FANCD2: variants seen among roughly 807,000 people sequenced by gnomAD.
FANCD2 encodes the protein Fanconi anemia group D2 protein.
Under a neutral mutation model 192.3 loss-of-function variants are expected in FANCD2, and 131 were observed. That is an observed-to-expected ratio of 0.68 (90% CI 0.59 to 0.79). FANCD2 has a LOEUF of 0.79. Ranked by LOEUF, FANCD2 falls within the 30% of genes least tolerant of loss-of-function variation. The pLI is 0.00. For synonymous variants in FANCD2, 524 were observed against 612.5 expected (o/e 0.86, Z 2.13); for missense variants, 1,508 against 1,701.6 (o/e 0.89, Z 2.00).
rs767860064 is a variant in FANCD2, at chr3:10,081,170, T to A, written c.3047T>A (p.Val1016Asp). ...TCTGCCCAAGAAATTGTTCATTGTG[T>A]TTTTCAACTGCTGACCCCAATGTGT... is the stretch of plus-strand genomic sequence containing the variant. ...QRSAQEIVHC[V>D]FQLLTPMCNH... The change falls in exon 31 of 44, where the codon GTT (valine) becomes GAT (aspartate). Residue 1016 changes from valine (V) to aspartate (D), a missense_variant. This residue lies in a region of FANCD2 where 796 missense variants were observed against 879.4 expected (regional missense o/e 0.91). Coordinates refer to ENST00000675286, the MANE Select transcript of FANCD2 (RefSeq NM_001018115.3). 8.1e-6 allele frequency: 13 copies of A among 1,614,052 alleles called. No homozygotes were observed. In the East Asian group the frequency reaches 2.4e-4, roughly 30 times the overall value.
At chr3:10,071,873 C>T (rs1693269782) in intron 26 of FANCD2, among the ~76,000 whole-genome samples, 1 of 152,244 alleles carries the variant, frequency 6.6e-6, no homozygotes, top group East Asian at 1.9e-4. Context: ...AATTCTCCTG[C>T]CTCAGCCTCC....
chr3:10,046,200 C>T (rs1414403591), intron 14 of FANCD2, among the ~76,000 whole-genome samples: 1 of 152,004 alleles, frequency 6.6e-6, no homozygotes, highest in Non-Finnish European at 1.5e-5. Context: ...ACTATAGGTG[C>T]ATGCTGCCAC....
In FANCD2 at chr3:10,078,206, A is replaced by G. The variant is rs1203023477; in HGVS notation, c.2976+9A>G. The G allele has an allele frequency of 6.5e-7, 1 of 1,537,838 alleles. No homozygotes were observed. Among genetic ancestry groups the G allele is most frequent in the South Asian group, 1.1e-5 (1 of 89,576 alleles). On this transcript the variant is annotated intron_variant, in intron 30 of 43. Transcript: ENST00000675286. ...GAGTCCCCTTTCTCAAGGTTAGTGT[A>G]GGCAGAAGCATAGGACTTGGGCATA...
In FANCD2 at chr3:10,065,247, C is replaced by T. The variant is rs1263266892; in HGVS notation, c.2169-147C>T. On this transcript the variant is annotated intron_variant, in intron 23 of 43. Transcript: ENST00000675286. Reference sequence around the variant, plus strand: ...GAGGTTGCAGTGAGCTGAGATCGTGCCACTGCACTCCAGACTGGGCGACAG... The same window carrying T: ...GAGGTTGCAGTGAGCTGAGATCGTGTCACTGCACTCCAGACTGGGCGACAG... The T allele has an allele frequency of 2.5e-5, 17 of 683,856 alleles. 1 individual carries two copies. The highest frequency in any genetic ancestry group is 4.0e-5 in the Non-Finnish European group (15 of 376,052). 42.4% of individuals were successfully genotyped at this position (683,856 alleles called of 1,614,324 possible). A position where few individuals can be genotyped will look rare whatever the true frequency, so the allele number is the denominator to read the frequency against.
At chr3:10,041,208 A>G (rs2086855528) in intron 9 of FANCD2, 1 of 230,748 alleles carries the variant, frequency 4.3e-6, no homozygotes, top group Non-Finnish European at 8.5e-6. Flanking sequence ...TCAAAAAACA[A>G]ACAAACAAAA....
intron 17 of FANCD2, 93 bp from the exon 18 acceptor site, chr3:10,052,292 CTA>C: frequency 2.5e-6 from 2 of 810,378 alleles, no homozygotes; most frequent in African/African-American, 3.4e-5. Context: ...ACCTGGCTAT[CTA>C]TGTGTGTCTC....
At chr3:10,087,621 A>T (rs1575842075) in intron 34 of FANCD2, among the ~76,000 whole-genome samples, 1 of 152,126 alleles carries the variant, frequency 6.6e-6, no homozygotes, top group Non-Finnish European at 1.5e-5. Context: ...AGGGTCAAGT[A>T]TAAAAGAAAT....
chr3:10,099,066 T>G, intron 43 of FANCD2: 1 of 1,567,156 alleles, frequency 6.4e-7, no homozygotes, highest in South Asian at 1.2e-5. Flanking sequence ...ATTTTCTGCA[T>G]TATAGCCTCT....
At chr3:10,085,397 T>TC (rs1224252527) in intron 32 of FANCD2, among the ~76,000 whole-genome samples, 11 of 148,706 alleles carry the variant, frequency 7.4e-5, no homozygotes, top group African/African-American at 2.5e-4. Context: ...TTTCTTTCTT[T>TC]TTTTTTTTTT....
chr3:10,049,589 G>A (rs2087137250), intron 17 of FANCD2, 84 bp downstream of exon 17: 2 of 1,294,328 alleles, frequency 1.5e-6, no homozygotes, highest in Non-Finnish European at 2.2e-6. Flanking sequence ...TGATGGGCAA[G>A]TAATATAAAT....
At chr3:10,055,855 A>G (rs542484766) in intron 18 of FANCD2, among the ~76,000 whole-genome samples, 1 of 151,936 alleles carries the variant, frequency 6.6e-6, no homozygotes, top group Non-Finnish European at 1.5e-5. Context: ...AAATAATTCC[A>G]TTCTTTGTTT....
chr3:10,092,621 C>T lies in FANCD2; in HGVS notation c.3849+369C>T, dbSNP rs556247589. ...CACACTGTGCTCTCACCCACTCCAT[C>T]GTGGTTTTGCTCAGCTTGTTCCCCC... On this transcript the variant is annotated intron_variant, in intron 38 of 43. Coordinates refer to ENST00000675286, the MANE Select transcript of FANCD2 (RefSeq NM_001018115.3). 7.4e-4 allele frequency among the ~76,000 whole-genome samples: 112 copies of T among 150,916 alleles called. 1 individual carries two copies. The South Asian group carries it at 0.018, about 25-fold the overall frequency.
intron 26 of FANCD2, among the ~76,000 whole-genome samples, chr3:10,068,936 C>T (rs2087793744): frequency 6.6e-6 from 1 of 152,108 alleles, no homozygotes; most frequent in Admixed American, 6.5e-5. Flanking sequence ...AACTGGATAT[C>T]CATATGCAGA....
chr3:10,070,216 C>T lies in FANCD2; in HGVS notation c.2495-2655C>T, dbSNP rs1265392353. Among the ~76,000 whole-genome samples, 8 of 150,984 alleles carry T rather than the reference C, an allele frequency of 5.3e-5. No homozygotes were observed. The East Asian group carries it at 8.1e-4, about 15-fold the overall frequency. ...GCCCCGTCTGAGAAGTGAGGAGCCC[C>T]TCTGCCCGGCAGCCGCCCCATCTGA... On this transcript the variant is annotated intron_variant, in intron 26 of 43. Coordinates refer to ENST00000675286, the MANE Select transcript of FANCD2 (RefSeq NM_001018115.3).
At position 10,101,776 on chromosome 3, in the gene FANCD2, C is replaced by T. The variant is rs565491333; in HGVS notation, c.*514C>T. 1.4e-5 allele frequency: 3 copies of T among 207,054 alleles called. No individual in the cohort carries two copies. The highest frequency in any genetic ancestry group is 3.0e-5 in the Non-Finnish European group (3 of 100,478). The allele number at this position is 207,054 out of a possible 1,614,324, so 12.8% of individuals were successfully genotyped here. A position where few individuals can be genotyped will look rare whatever the true frequency, so the allele number is the denominator to read the frequency against. ...TCCCTGGCTCAGGATTCTAATGTAG[C>T]ATTATTTATTGGTTTGGATAAACCC... On this transcript the variant is annotated 3_prime_UTR_variant, in exon 44 of 44. Transcript: ENST00000675286.
chr3:10,049,345 C>G (rs2087126563), intron 16 of FANCD2, 29 bp from the exon 17 acceptor site: 1 of 1,571,588 alleles, frequency 6.4e-7, no homozygotes, highest in Admixed American at 1.7e-5. Context: ...TTTTGTTTTA[C>G]ACTGTTCTGT....
intron 32 of FANCD2, among the ~76,000 whole-genome samples, chr3:10,085,205 A>G (rs1247772024): frequency 2.6e-5 from 4 of 152,162 alleles, no homozygotes; most frequent in Admixed American, 1.3e-4. Context: ...TTGCCCTTCA[A>G]AGTAAACCTA....
At chr3:10,094,803 T>A (rs575080915) in intron 40 of FANCD2, 10 of 329,030 alleles carry the variant, frequency 3.0e-5, no homozygotes, top group South Asian at 2.4e-4. Context: ...GCTAGAGTGA[T>A]GAATTAAGGA....
chr3:10,094,731 C>T (rs1335601863), intron 40 of FANCD2: 2 of 322,768 alleles, frequency 6.2e-6, no homozygotes, highest in Non-Finnish European at 5.9e-6. Context: ...TCATTTGTGT[C>T]ATAAAACCCT....
Sources: gnomAD v4.1 joint callset for allele counts (sites outside exome capture counted in the v4.1 genomes callset) on GRCh38, gnomAD v4.1.1 for gene constraint, gnomAD v4.1.1 regional missense constraint, MANE v1.5 for transcripts, NCBI Gene and HGNC (gene_info 2026-07-23, HGNC 2026-07-21) for gene names.